Variants in PRICKLE1 observed in about 807,000 individuals in gnomAD.
PRICKLE1 encodes prickle-like protein 1.
PRICKLE1 carries 14 observed loss-of-function variants against 70.2 expected under a neutral mutation model. The observed-to-expected ratio is 0.20, with a 90% CI of 0.13 to 0.31. The LOEUF is 0.31. Ranked by LOEUF, PRICKLE1 falls within the 10% of genes least tolerant of loss-of-function variation. The pLI is 1.00. For synonymous variants in PRICKLE1, 357 were observed against 379.9 expected, an observed-to-expected ratio of 0.94 and a Z score of 0.70; for missense variants, 821 against 1,026.2, an observed-to-expected ratio of 0.80 and a Z score of 2.73.
At chr12:42,472,348 A>T in intron 2 of PRICKLE1, 37 bp downstream of exon 2, 1 of 1,613,230 alleles carries the variant, frequency 6.2e-7, no homozygotes, top group Non-Finnish European at 8.5e-7. Flanking sequence ...CTCACACTGA[A>T]AAACAAAGAG....
At chr12:42,575,702 A>T in intron 1 of PRICKLE1, among the ~76,000 whole-genome samples, 1 of 152,054 alleles carries the variant, frequency 6.6e-6, no homozygotes, top group East Asian at 1.9e-4. Context: ...TCAAAAAAAA[A>T]TAAAAAAAAA....
At chr12:42,533,937 T>C (rs1231307159) in intron 1 of PRICKLE1, among the ~76,000 whole-genome samples, 1 of 152,122 alleles carries the variant, frequency 6.6e-6, no homozygotes, top group Non-Finnish European at 1.5e-5. Context: ...CCCCCATCAC[T>C]AGCTCTGCAC....
intron 1 of PRICKLE1, among the ~76,000 whole-genome samples, chr12:42,569,944 C>T (rs1940679730): frequency 6.6e-6 from 1 of 152,226 alleles, no homozygotes; most frequent in South Asian, 2.1e-4. Flanking sequence ...TAGATAGTCA[C>T]TAAGTGACCC....
In PRICKLE1 at chr12:42,559,622, A is replaced by ATTT. The variant is rs34103754; in HGVS notation, c.-49+29842_-49+29843insAAA. Reference sequence around the variant, plus strand: ...TGTGTGTGTGTATATATATATATATATATTTTTTTTTTTTGGGGGGGGTAG... The same window carrying ATTT: ...TGTGTGTGTGTATATATATATATATATTTTATTTTTTTTTTTTGGGGGGGGTAG... On this transcript the variant is annotated intron_variant, in intron 1 of 7. Transcript: ENST00000345127. 1.8e-3 allele frequency among the ~76,000 whole-genome samples: 127 copies of ATTT among 69,496 alleles called. 1 individual carries two copies. The highest frequency in any genetic ancestry group is 2.8e-3 in the East Asian group (7 of 2,536). 45.6% of individuals were successfully genotyped at this position (69,496 alleles called of 152,430 possible). A position where few individuals can be genotyped will look rare whatever the true frequency, so the allele number is the denominator to read the frequency against.
intron 1 of PRICKLE1, among the ~76,000 whole-genome samples, chr12:42,519,882 A>G (rs1322682798): frequency 6.6e-6 from 1 of 152,174 alleles, no homozygotes; most frequent in African/African-American, 2.4e-5. Context: ...ATCATGGCTC[A>G]GCACAGCCCT....
chr12:42,545,868 A>G (rs1160981589), intron 1 of PRICKLE1, among the ~76,000 whole-genome samples: 3 of 122,202 alleles, frequency 2.5e-5, no homozygotes. Flanking sequence ...AAAAAAAAAA[A>G]TATATATATG....
chr12:42,476,193 C>CTTTTTTTTT (rs530875710), intron 1 of PRICKLE1, among the ~76,000 whole-genome samples: 1 of 138,178 alleles, frequency 7.2e-6, no homozygotes, highest in African/African-American at 2.6e-5. Flanking sequence ...TTTCTTTTTT[C>CTTTTTTTTT]TTTTTTTTTT....
At chr12:42,471,502 C>T (rs563843288) in intron 2 of PRICKLE1, among the ~76,000 whole-genome samples, 1 of 152,084 alleles carries the variant, frequency 6.6e-6, no homozygotes, top group Non-Finnish European at 1.5e-5. Context: ...AGCACTCCAC[C>T]CTCTCCCCAT....
chr12:42,519,193 C>CTTTTTTTTTTTTTTTTTTTTTTTT (rs11342397), intron 1 of PRICKLE1, among the ~76,000 whole-genome samples: 1 of 99,190 alleles, frequency 1.0e-5, no homozygotes, highest in Non-Finnish European at 1.9e-5. Context: ...CCTTTTTTTC[C>CTTTTTTTTTTTTTTTTTTTTTTTT]TTTTTTTTTT....
At chr12:42,522,962 ATTTTTT>A (rs3083872) in intron 1 of PRICKLE1, among the ~76,000 whole-genome samples, 1 of 139,594 alleles carries the variant, frequency 7.2e-6, no homozygotes, top group Non-Finnish European at 1.6e-5. Flanking sequence ...ATTCTAACAT[ATTTTTT>A]TTTTTTTTTT....
At chr12:42,540,901 T>C (rs184320160) in intron 1 of PRICKLE1, among the ~76,000 whole-genome samples, 1 of 152,232 alleles carries the variant, frequency 6.6e-6, no homozygotes, top group East Asian at 1.9e-4. Context: ...CCTTACTCCT[T>C]AAGATCCTCT....
chr12:42,574,548 C>A (rs909296857), intron 1 of PRICKLE1, among the ~76,000 whole-genome samples: 2 of 152,104 alleles, frequency 1.3e-5, no homozygotes, highest in African/African-American at 4.8e-5. Context: ...CACCAGACTG[C>A]CTGAAAACAT....
intron 1 of PRICKLE1, among the ~76,000 whole-genome samples, chr12:42,495,735 C>T (rs1173638154): frequency 4.6e-5 from 7 of 151,970 alleles, no homozygotes; most frequent in Non-Finnish European, 1.5e-5. Flanking sequence ...ACTACAGGCA[C>T]GTGCCACCAC....
At chr12:42,575,781 C>T (rs1279985252) in intron 1 of PRICKLE1, among the ~76,000 whole-genome samples, 1 of 152,068 alleles carries the variant, frequency 6.6e-6, no homozygotes, top group East Asian at 1.9e-4. Flanking sequence ...TATACTTTTC[C>T]TTCTGCCTAA....
chr12:42,469,770 C>T (rs1001043704), intron 3 of PRICKLE1, 183 bp from the exon 4 acceptor site: 23 of 689,780 alleles, frequency 3.3e-5, no homozygotes, highest in African/African-American at 7.2e-5. Flanking sequence ...AAGGGAAATG[C>T]AATGTGAAGG....
intron 1 of PRICKLE1, among the ~76,000 whole-genome samples, chr12:42,528,743 ACAGT>A (rs1198234139): frequency 1.3e-5 from 2 of 152,202 alleles, no homozygotes; most frequent in African/African-American, 4.8e-5. Context: ...GGATATCCTC[ACAGT>A]CAATGCTCAA....
rs1941035180 is a variant in PRICKLE1 at position 42,589,167 on chromosome 12, T to C, written c.-49+298A>G. On this transcript the variant is annotated intron_variant, in intron 1 of 7. Transcript: ENST00000345127. This position sits in a 1 kb window ranked among gnomAD's most constrained non-coding sequence, Gnocchi z 5.0. ...CGACCCTCGGGCTACAGAACCTGTT[T>C]CCACGCCGGAGAAAACCAAGGGAAG... 6.6e-6 allele frequency: 1 copy of C among 152,248 alleles called. No individual in the cohort carries two copies. Among genetic ancestry groups the C allele is most frequent in the African/African-American group, 2.4e-5 (1 of 41,460 alleles). The allele number at this position is 152,248 out of a possible 1,614,324, so 9.4% of individuals were successfully genotyped here.
chr12:42,520,377 C>G (rs2120467792), intron 1 of PRICKLE1, among the ~76,000 whole-genome samples: 1 of 152,300 alleles, frequency 6.6e-6, no homozygotes, highest in South Asian at 2.1e-4. Context: ...TGGAGGTAGA[C>G]AGCCCTGAGA....
Position 42,468,146 on chromosome 12 carries a change from A to G in PRICKLE1, c.588+480T>C, listed in dbSNP as rs528485632. On this transcript the variant is annotated intron_variant, in intron 5 of 7. Coordinates refer to ENST00000345127, the MANE Select transcript of PRICKLE1 (RefSeq NM_153026.3). Reference sequence around the variant, plus strand: ...AAATTATTTTAAAATAAAAAGCTAAAGGGAAAAAATTTTTCCTTTCAAGCC... The same window carrying G: ...AAATTATTTTAAAATAAAAAGCTAAGGGGAAAAAATTTTTCCTTTCAAGCC... Among the ~76,000 whole-genome samples the G allele has an allele frequency of 2.0e-5, 3 of 152,338 alleles. No individual in the cohort carries two copies. In the East Asian group the frequency reaches 5.8e-4, roughly 29 times the overall value.
Sources: allele counts gnomAD v4.1 joint callset (sites outside exome capture counted in the v4.1 genomes callset), GRCh38; gene constraint gnomAD v4.1.1; non-coding constraint Gnocchi (gnomAD v3.1); transcripts MANE v1.5; gene names NCBI Gene and HGNC (gene_info 2026-07-23, HGNC 2026-07-21).